Variants in IRAK3 observed in about 807,000 individuals in gnomAD.
The protein encoded by IRAK3 is interleukin 1 receptor associated kinase 3.
A neutral mutation model predicts 56.6 loss-of-function variants in IRAK3; 57 were observed. The observed-to-expected ratio is 1.01, with a 90% CI of 0.81 to 1.26. IRAK3 has a LOEUF of 1.26. IRAK3 is among the 50% of genes most tolerant of loss of function. The pLI is 0.00. For synonymous variants in IRAK3, 258 were observed against 255.7 expected (o/e 1.01, Z -0.09); for missense variants, 703 against 719.0 (o/e 0.98, Z 0.25).
At chr12:66,217,743 A>C (rs1592588142) in intron 6 of IRAK3, among the ~76,000 whole-genome samples, 2 of 152,194 alleles carry the variant, frequency 1.3e-5, no homozygotes, top group Admixed American at 6.5e-5. Flanking sequence ...GCAGCTGTGC[A>C]GCCTTCCTCA....
chr12:66,233,149 T>C (rs2052861770), intron 8 of IRAK3, among the ~76,000 whole-genome samples: 1 of 152,176 alleles, frequency 6.6e-6, no homozygotes, highest in Admixed American at 6.5e-5. Flanking sequence ...TAACTTTTAC[T>C]GAAACAGCTA....
chr12:66,215,288 C>G (rs2052658526), intron 5 of IRAK3, among the ~76,000 whole-genome samples: 1 of 152,150 alleles, frequency 6.6e-6, no homozygotes, highest in Non-Finnish European at 1.5e-5. Flanking sequence ...GCAGCTGCCA[C>G]CAAATCACAC....
At chr12:66,220,949 C>T (rs1050191845) in intron 6 of IRAK3, among the ~76,000 whole-genome samples, 5 of 152,164 alleles carry the variant, frequency 3.3e-5, no homozygotes, top group Non-Finnish European at 7.3e-5. Flanking sequence ...ATGTGTAGCT[C>T]ACTTTGAGTA....
chr12:66,229,170 C>A (rs955245737), intron 8 of IRAK3, among the ~76,000 whole-genome samples: 1 of 152,196 alleles, frequency 6.6e-6, no homozygotes, highest in Non-Finnish European at 1.5e-5. Context: ...TCCTACTGAG[C>A]CTGCTGTCTC....
Position 66,228,122 on chromosome 12 carries a change from C to G in IRAK3, c.769-130C>G, listed in dbSNP as rs1299728240. On this transcript the variant is annotated intron_variant, in intron 7 of 11. Coordinates refer to ENST00000261233, the MANE Select transcript of IRAK3 (RefSeq NM_007199.3). The stretch of plus-strand genomic sequence containing the variant: ...GAATTAAAAATAGGTTTTGGAAAAC[C>G]AAAACGTTGATTCACCCACCTCACC... 3.2e-5 allele frequency: 25 copies of G among 791,628 alleles called. No homozygotes were observed. The East Asian group carries it at 6.1e-4, about 19-fold the overall frequency. The allele number at this position is 791,628 out of a possible 1,614,324, so 49.0% of individuals were successfully genotyped here.
chr12:66,250,920 A>G lies in IRAK3; in HGVS notation c.*2749A>G, dbSNP rs1379642460. 7 of 152,210 alleles carry G rather than the reference A, an allele frequency of 4.6e-5. No homozygotes were observed. 9.4% of individuals were successfully genotyped at this position (152,210 alleles called of 1,614,324 possible). ...AGGTGATGCTGATGCCAATGATGTG[A>G]AGCCCGCTCTTCACATCCGTGAAAA... On this transcript the variant is annotated 3_prime_UTR_variant, in exon 12 of 12. Coordinates refer to ENST00000261233, the MANE Select transcript of IRAK3 (RefSeq NM_007199.3).
chr12:66,208,307 T>G (rs2052576382), intron 2 of IRAK3, among the ~76,000 whole-genome samples: 1 of 148,686 alleles, frequency 6.7e-6, no homozygotes, highest in South Asian at 2.1e-4. Context: ...TTTGGGGTGG[T>G]AAGTATTTGT....
intron 6 of IRAK3, among the ~76,000 whole-genome samples, chr12:66,220,911 C>T (rs2052726618): frequency 6.6e-6 from 1 of 152,088 alleles, no homozygotes; most frequent in South Asian, 2.1e-4. Context: ...TGAAAAATGG[C>T]ATTGGAATTT....
chr12:66,216,272 C>G (rs866093575), intron 5 of IRAK3, among the ~76,000 whole-genome samples: 2 of 152,236 alleles, frequency 1.3e-5, no homozygotes, highest in Middle Eastern at 6.8e-3. Flanking sequence ...CATCTGGCTC[C>G]CAGGACAATG....
intron 8 of IRAK3, 86 bp from the exon 9 acceptor site, chr12:66,244,400 T>C: frequency 1.1e-6 from 1 of 934,888 alleles, no homozygotes. Context: ...TAACCAGATA[T>C]GAAGAAGGTG....
chr12:66,244,291 G>A lies in IRAK3; in HGVS notation c.888-195G>A, dbSNP rs558385230. Among the ~76,000 whole-genome samples the A allele has an allele frequency of 5.3e-5, 8 of 152,286 alleles. No homozygotes were observed. The East Asian group carries it at 1.3e-3, about 26-fold the overall frequency. ...GTTCATAGGTCAGGTTTTTATTCTA[G>A]GTTGCAGATAACACTTGGATTTGTA... On this transcript the variant is annotated intron_variant, in intron 8 of 11. Transcript: ENST00000261233.
At chr12:66,202,491 G>T (rs187404105) in intron 1 of IRAK3, among the ~76,000 whole-genome samples, 2 of 152,198 alleles carry the variant, frequency 1.3e-5, no homozygotes, top group South Asian at 4.2e-4. Context: ...AACACAAAAG[G>T]CCTGCCGTGG....
chr12:66,202,122 G>C (rs1264044007), intron 1 of IRAK3, among the ~76,000 whole-genome samples: 1 of 152,172 alleles, frequency 6.6e-6, no homozygotes, highest in Non-Finnish European at 1.5e-5. Flanking sequence ...AGTTACAAAT[G>C]AGGAAGGACT....
At chr12:66,209,070 CAAAA>C (rs750939808) in intron 2 of IRAK3, among the ~76,000 whole-genome samples, 1 of 54,528 alleles carries the variant, frequency 1.8e-5, no homozygotes, top group Non-Finnish European at 3.9e-5. Context: ...GAGTCCATCT[CAAAA>C]AAAAAAAAAA....
chr12:66,245,197 A>G lies in IRAK3; in HGVS notation c.1249A>G (p.Lys417Glu), dbSNP rs374097834. 9.9e-6 allele frequency: 16 copies of G among 1,614,058 alleles called. No individual in the cohort carries two copies. The African/African-American group carries it at 2.0e-4, about 20-fold the overall frequency. Residue 417 changes from lysine (K) to glutamate (E), a missense_variant, in exon 11 of 12, where the codon AAG becomes GAG. Lys to Glu is a moderately conservative substitution (Grantham distance 56, BLOSUM62 1). Coordinates refer to ENST00000261233, the MANE Select transcript of IRAK3 (RefSeq NM_007199.3). The stretch of plus-strand genomic sequence containing the variant: ...TCCCTGCCCTCGGAATTTCTCTGCC[A>G]AGCTCTTCTGTTTGGCAGGCCGGTG... ...VPPCPRNFSAKLFCLAGRCAA... is the reference protein window; with the variant it reads ...VPPCPRNFSAELFCLAGRCAA...
chr12:66,193,579 C>T (rs1194659826), intron 1 of IRAK3, among the ~76,000 whole-genome samples: 3 of 152,054 alleles, frequency 2.0e-5, no homozygotes, highest in East Asian at 1.9e-4. Context: ...ATTTATTTGT[C>T]GTATCCTCTG....
At position 66,234,244 on chromosome 12, in the gene IRAK3, G is replaced by A; in HGVS notation, c.887+5874G>A. The A allele has an allele frequency of 1.9e-6, 3 of 1,613,590 alleles. No individual in the cohort carries two copies. In the East Asian group the frequency reaches 6.7e-5, roughly 36 times the overall value. On this transcript the variant is annotated intron_variant, in intron 8 of 11. Transcript: ENST00000261233. ...TTGCAGGCATGTATGTTCCGGTGCT[G>A]CCTAGTGACAGATGACTCATCTGCT...
intron 1 of IRAK3, among the ~76,000 whole-genome samples, chr12:66,201,646 A>C (rs1021093829): frequency 6.6e-6 from 1 of 152,262 alleles, no homozygotes; most frequent in African/African-American, 2.4e-5. Context: ...TTGCTTGAAG[A>C]ATCCTGTTAA....
intron 2 of IRAK3, among the ~76,000 whole-genome samples, chr12:66,206,125 A>G (rs2052556068): frequency 6.6e-6 from 1 of 152,140 alleles, no homozygotes; most frequent in South Asian, 2.1e-4. Flanking sequence ...ACAATGAAGG[A>G]TTCTCTCTCT....
Sources: allele counts gnomAD v4.1 joint callset (sites outside exome capture counted in the v4.1 genomes callset), GRCh38; gene constraint gnomAD v4.1.1; transcripts MANE v1.5; gene names NCBI Gene and HGNC (gene_info 2026-07-23, HGNC 2026-07-21).